ZBTB24: variants seen among roughly 807,000 people sequenced by gnomAD.
ZBTB24 encodes zinc finger and BTB domain-containing protein 24.
ZBTB24 carries 32 observed loss-of-function variants against 53.8 expected under a neutral mutation model. The ratio of observed to expected loss-of-function variants is 0.60; its 90% CI spans 0.45 to 0.80. ZBTB24 has a LOEUF of 0.80. Among genes scored for constraint, ZBTB24 ranks in the 30% least tolerant of loss-of-function variants. ZBTB24 has a pLI of 0.00. For missense variants in ZBTB24, 722 were observed against 837.1 expected, an observed-to-expected ratio of 0.86 and a Z score of 1.70; for synonymous variants, 297 against 306.7, an observed-to-expected ratio of 0.97 and a Z score of 0.33.
intron 1 of ZBTB24, among the ~76,000 whole-genome samples, chr6:109,482,364 G>A (rs1490516534): frequency 1.3e-5 from 2 of 152,048 alleles, no homozygotes. Context: ...TACTCAGGAG[G>A]CTGCGGCAGG....
intron 3 of ZBTB24, among the ~76,000 whole-genome samples, chr6:109,476,466 G>A (rs1027132568): frequency 2.6e-5 from 4 of 152,304 alleles, no homozygotes; most frequent in Admixed American, 2.6e-4. Context: ...TGGAGACTGG[G>A]GTAGAACTGG....
At chr6:109,473,709 A>G (rs1776216740) in intron 5 of ZBTB24, among the ~76,000 whole-genome samples, 1 of 152,212 alleles carries the variant, frequency 6.6e-6, no homozygotes, top group African/African-American at 2.4e-5. Flanking sequence ...TCTGGTTCCC[A>G]GTAAGTGCTC....
rs781012540 is a variant in ZBTB24 at position 109,466,082 on chromosome 6, A to T, written c.1863T>A (p.Asn621Lys). The T allele has an allele frequency of 1.2e-6, 2 of 1,614,172 alleles. No homozygotes were observed. The highest frequency in any genetic ancestry group is 1.7e-6 in the Non-Finnish European group (2 of 1,180,024). Residue 621 changes from asparagine to lysine, a missense_variant, in exon 7 of 7, where the codon AAT becomes AAA. Coordinates refer to ENST00000230122, the MANE Select transcript of ZBTB24 (RefSeq NM_014797.3). ...AGGGCCCCATCTGGCTTTCAATCAT[A>T]TTGAGGCTCTGAATGTGTTCTGTTT... The part of the protein sequence containing the change: ...QEQTEHIQSL[N>K]MIESQMGPSQ...
At chr6:109,473,804 C>T (rs1474749749) in intron 5 of ZBTB24, among the ~76,000 whole-genome samples, 2 of 152,094 alleles carry the variant, frequency 1.3e-5, no homozygotes, top group African/African-American at 2.4e-5. Flanking sequence ...ACATCCAGGC[C>T]AGGCACAGTG....
At chr6:109,479,716 A>G (rs915161531) in intron 2 of ZBTB24, among the ~76,000 whole-genome samples, 1 of 152,192 alleles carries the variant, frequency 6.6e-6, no homozygotes, top group Admixed American at 6.5e-5. Flanking sequence ...GGAGTTTGAG[A>G]CCAGCCTGAC....
At chr6:109,482,162 T>C in intron 1 of ZBTB24, 108 bp from the exon 2 acceptor site, 1 of 865,144 alleles carries the variant, frequency 1.2e-6, no homozygotes, top group Non-Finnish European at 1.9e-6. Flanking sequence ...AATTTTACCA[T>C]TACCATTTTT....
intron 5 of ZBTB24, among the ~76,000 whole-genome samples, chr6:109,469,455 T>C (rs868402441): frequency 6.6e-6 from 1 of 152,172 alleles, no homozygotes; most frequent in Admixed American, 6.5e-5. Flanking sequence ...CATCCTGCAG[T>C]GGAAGCTCTT....
At chr6:109,482,173 G>A in intron 1 of ZBTB24, 119 bp from the exon 2 acceptor site, 1 of 830,106 alleles carries the variant, frequency 1.2e-6, no homozygotes, top group East Asian at 2.7e-5. Context: ...TACCATTTTT[G>A]TCTGTCTACA....
At chr6:109,470,465 T>C (rs1443357503) in intron 5 of ZBTB24, among the ~76,000 whole-genome samples, 1 of 152,182 alleles carries the variant, frequency 6.6e-6, no homozygotes, top group Non-Finnish European at 1.5e-5. Flanking sequence ...ATAGGATCGA[T>C]GAGTCACTGC....
chr6:109,477,476 A>G (rs1776303847), intron 2 of ZBTB24, among the ~76,000 whole-genome samples: 2 of 152,110 alleles, frequency 1.3e-5, no homozygotes, highest in South Asian at 4.2e-4. Flanking sequence ...TTTAAGACAC[A>G]ATCTCCTAAG....
chr6:109,471,708 T>C (rs1582673671), intron 5 of ZBTB24, among the ~76,000 whole-genome samples: 1 of 152,154 alleles, frequency 6.6e-6, no homozygotes, highest in African/African-American at 2.4e-5. Context: ...GATCACTAAC[T>C]TGGCTTTCGG....
At chr6:109,472,333 T>C (rs902090770) in intron 5 of ZBTB24, among the ~76,000 whole-genome samples, 1 of 152,202 alleles carries the variant, frequency 6.6e-6, no homozygotes, top group African/African-American at 2.4e-5. Flanking sequence ...CAGAGGCCCG[T>C]CTGTCTCCTT....
chr6:109,471,255 GCTGTTTCCTGTC>G (rs1398321988), intron 5 of ZBTB24, among the ~76,000 whole-genome samples: 4 of 152,216 alleles, frequency 2.6e-5, no homozygotes, highest in Non-Finnish European at 4.4e-5. Context: ...GGTCTTCTCA[GCTGTTTCCTGTC>G]CTGTGTTCAC....
intron 5 of ZBTB24, among the ~76,000 whole-genome samples, chr6:109,469,076 C>T (rs1310123178): frequency 6.6e-6 from 1 of 152,218 alleles, no homozygotes; most frequent in Non-Finnish European, 1.5e-5. Context: ...AGACATTTCT[C>T]CAAGCTCCAT....
Position 109,476,232 on chromosome 6 carries a change from A to G in ZBTB24, c.1147T>C (p.Cys383Arg), listed in dbSNP as rs1293319723. The change falls in exon 4 of 7, where the codon TGC (cysteine) becomes CGC (arginine). Residue 383 changes from cysteine to arginine, a missense_variant. Transcript: ENST00000230122. ...CTGTTCTGGCTGAAATATTTTCCGC[A>G]TTGATCACAGGTAAAAGACTTCTGT... is the stretch of plus-strand genomic sequence containing the variant. Reference protein sequence around the residue: ...SGQKSFTCDQCGKYFSQNRQL... With the variant: ...SGQKSFTCDQRGKYFSQNRQL... 1 of 1,614,026 alleles carries G rather than the reference A, an allele frequency of 6.2e-7. No homozygotes were observed. The highest frequency in any genetic ancestry group is 1.3e-5 in the African/African-American group (1 of 74,916).
rs1004007662 is a variant in ZBTB24, at chr6:109,480,835, A to C, written c.952+240T>G. The C allele has an allele frequency of 8.8e-6, 6 of 678,050 alleles. No individual in the cohort carries two copies. In the African/African-American group the frequency reaches 9.8e-5, roughly 11 times the overall value. The allele number at this position is 678,050 out of a possible 1,614,324, so 42.0% of individuals were successfully genotyped here. A position where few individuals can be genotyped will look rare whatever the true frequency, so the allele number is the denominator to read the frequency against. ...CCTAGAACTTGGTTGCTTCATCTGT[A>C]AACTATGCACTTTAGCAACCCTCTC... On this transcript the variant is annotated intron_variant, in intron 2 of 6. Transcript: ENST00000230122.
chr6:109,478,043 G>C (rs1222775720), intron 2 of ZBTB24, among the ~76,000 whole-genome samples: 1 of 152,182 alleles, frequency 6.6e-6, no homozygotes, highest in East Asian at 1.9e-4. Flanking sequence ...CCCACCAAGA[G>C]TTTCCCCTAG....
chr6:109,481,561 C>G lies in ZBTB24; in HGVS notation c.466G>C (p.Asp156His). The G allele has an allele frequency of 6.2e-7, 1 of 1,614,146 alleles. No homozygotes were observed. The highest frequency in any genetic ancestry group is 8.5e-7 in the Non-Finnish European group (1 of 1,180,018). ...PVVVISNKKN[D>H]PPKRKRGRPK... The stretch of plus-strand genomic sequence containing the variant: ...CTTCCCCGTTTCCGCTTTGGAGGAT[C>G]GTTTTTCTTATTAGAGATAACAACC... Residue 156 changes from aspartate (D) to histidine (H), a missense_variant, in exon 2 of 7, where the codon GAT (aspartate) becomes CAT (histidine). Transcript: ENST00000230122.
rs1047223806 is a variant in ZBTB24 at position 109,465,898 on chromosome 6, T to C, written c.2047A>G (p.Thr683Ala). ...LTQEPGPPPP[T>A]HHVPQPTPLG... is the part of the protein sequence containing the mutation. ...GGCGTTGGCTGGGGCACGTGGTGAG[T>C]GGGTGGTGGCGGACCAGGCTCCTGT... Residue 683 changes from threonine (T) to alanine (A), a missense_variant, in exon 7 of 7, where the codon ACT becomes GCT. By Grantham distance (58) the Thr-to-Ala change is moderately conservative. Transcript: ENST00000230122. 2 of 1,613,882 alleles carry C rather than the reference T, an allele frequency of 1.2e-6. No homozygotes were observed. The highest frequency in any genetic ancestry group is 1.7e-6 in the Non-Finnish European group (2 of 1,179,986).
Sources: gnomAD v4.1 joint callset for allele counts (sites outside exome capture counted in the v4.1 genomes callset) on GRCh38, gnomAD v4.1.1 for gene constraint, MANE v1.5 for transcripts, NCBI Gene and HGNC (gene_info 2026-07-23, HGNC 2026-07-21) for gene names.